Variants in CSMD1 observed in about 807,000 individuals in gnomAD.
The protein encoded by CSMD1 is CUB and sushi domain-containing protein 1.
A neutral mutation model predicts 417.5 loss-of-function variants in CSMD1; 213 were observed. That is an observed-to-expected ratio of 0.51 (90% CI 0.46 to 0.57). The LOEUF is 0.57. Ranked by LOEUF, CSMD1 falls within the 20% of genes least tolerant of loss-of-function variation. The pLI is 0.00. For missense variants in CSMD1, 6,923 were observed against 4,529.7 expected (o/e 1.53, Z -15.17); for synonymous variants, 2,862 against 1,736.8 (o/e 1.65, Z -16.11).
At position 4,006,533 on chromosome 8, in the gene CSMD1, G is replaced by A. The variant is rs1393022356; in HGVS notation, c.611-8423C>T. ...CACTTGGCCTGAGCGACAGAGTGAG[G>A]CCTTGCCTCAGAATAAATAAATAAA... On this transcript the variant is annotated intron_variant, in intron 4 of 69. Coordinates refer to ENST00000635120, the MANE Select transcript of CSMD1 (RefSeq NM_033225.6). Among the ~76,000 whole-genome samples, 18 of 152,224 alleles carry A rather than the reference G, an allele frequency of 1.2e-4. No homozygotes were observed. In the East Asian group the frequency reaches 3.5e-3, roughly 29 times the overall value.
chr8:3,670,858 GTATGGGATATATATGTA>G (rs1317003042), intron 7 of CSMD1, among the ~76,000 whole-genome samples: 1 of 150,294 alleles, frequency 6.7e-6, no homozygotes, highest in Non-Finnish European at 1.5e-5. Flanking sequence ...GGATATATAT[GTATGGGATATATATGTA>G]TATGGGATAT....
intron 5 of CSMD1, among the ~76,000 whole-genome samples, chr8:3,811,005 G>C (rs960397029): frequency 5.9e-5 from 9 of 152,124 alleles, no homozygotes; most frequent in African/African-American, 1.9e-4. Context: ...AATTAACACT[G>C]TTCCATCCGT....
chr8:3,313,399 C>A (rs1180449722), intron 23 of CSMD1, among the ~76,000 whole-genome samples: 3 of 152,076 alleles, frequency 2.0e-5, no homozygotes, highest in Non-Finnish European at 4.4e-5. Context: ...GCACAATCTA[C>A]AATGAACTCA....
At chr8:4,321,573 G>C (rs904108691) in intron 3 of CSMD1, among the ~76,000 whole-genome samples, 15 of 152,052 alleles carry the variant, frequency 9.9e-5, no homozygotes, top group African/African-American at 2.4e-5. Flanking sequence ...ACAATAAATG[G>C]TGTGAGTATC....
chr8:3,147,643 TC>T (rs1174811046), intron 40 of CSMD1, among the ~76,000 whole-genome samples: 1 of 152,226 alleles, frequency 6.6e-6, no homozygotes, highest in Non-Finnish European at 1.5e-5. Flanking sequence ...GCAGTCATTT[TC>T]CTTGTTACTT....
chr8:3,700,443 A>G (rs1015021123), intron 7 of CSMD1: 1 of 152,210 alleles, frequency 6.6e-6, no homozygotes, highest in Non-Finnish European at 1.5e-5. Context: ...CTTAAAAAAC[A>G]CAAAAACAGA....
intron 3 of CSMD1, among the ~76,000 whole-genome samples, chr8:4,037,250 T>C (rs1234263932): frequency 6.6e-6 from 1 of 152,234 alleles, no homozygotes. Flanking sequence ...ATAGGAACTT[T>C]ACTTTTGTTT....
At chr8:3,942,203 G>T (rs911074061) in intron 5 of CSMD1, among the ~76,000 whole-genome samples, 11 of 151,908 alleles carry the variant, frequency 7.2e-5, no homozygotes, top group Non-Finnish European at 1.5e-4. Flanking sequence ...CTACATTATG[G>T]TGACTTGTAT....
chr8:4,434,417 C>T (rs959609926), intron 2 of CSMD1, among the ~76,000 whole-genome samples: 2 of 152,146 alleles, frequency 1.3e-5, no homozygotes, highest in African/African-American at 2.4e-5. Context: ...GCAGCACAAG[C>T]CACTTTTTGA....
intron 3 of CSMD1, among the ~76,000 whole-genome samples, chr8:4,239,419 C>T (rs1802256071): frequency 6.6e-6 from 1 of 152,150 alleles, no homozygotes; most frequent in South Asian, 2.1e-4. Context: ...TTCATCTTAA[C>T]TCGTCTTTCT....
chr8:4,212,484 A>T (rs1445346708), intron 3 of CSMD1, among the ~76,000 whole-genome samples: 1 of 152,060 alleles, frequency 6.6e-6, no homozygotes, highest in Non-Finnish European at 1.5e-5. Flanking sequence ...AGACTGGCAG[A>T]TGGAAGCGAT....
intron 18 of CSMD1, among the ~76,000 whole-genome samples, chr8:3,387,128 AGACACTGG>A (rs2116808626): frequency 6.7e-6 from 1 of 149,936 alleles, no homozygotes; most frequent in South Asian, 2.1e-4. Flanking sequence ...AGAGGAAGTG[AGACACTGG>A]GACGTATGTC....
chr8:4,040,700 T>G (rs1297263102), intron 3 of CSMD1, among the ~76,000 whole-genome samples: 1 of 152,154 alleles, frequency 6.6e-6, no homozygotes, highest in African/African-American at 2.4e-5. Context: ...CAAATTCATA[T>G]AATAGCAAAA....
In CSMD1 at chr8:4,298,757, A is replaced by T. The variant is rs113057803; in HGVS notation, c.415+121196T>A. Reference sequence around the variant, plus strand: ...ATGTTAAGAAATTAATGTTAAAGTGATATTTGTGCTTTTGAATAAATTTAT... The same window carrying T: ...ATGTTAAGAAATTAATGTTAAAGTGTTATTTGTGCTTTTGAATAAATTTAT... On this transcript the variant is annotated intron_variant, in intron 3 of 69. Coordinates refer to ENST00000635120, the MANE Select transcript of CSMD1 (RefSeq NM_033225.6). 6.8e-3 allele frequency among the ~76,000 whole-genome samples: 1,036 copies of T among 152,190 alleles called. 2 individuals are homozygous for T. Among genetic ancestry groups the T allele is most frequent in the Non-Finnish European group, 9.8e-3 (666 of 67,962 alleles).
chr8:3,359,212 T>C lies in CSMD1; in HGVS notation c.3244A>G (p.Lys1082Glu), dbSNP rs1185612485. Residue 1082 changes from lysine (K) to glutamate (E), a missense_variant, in exon 21 of 70, where the codon AAG (lysine) becomes GAG (glutamate). By Grantham distance (56) the Lys-to-Glu change is moderately conservative (BLOSUM62 1). Transcript: ENST00000635120. ...CGGCCCCCACCCAGGCAGGTAAGCT[T>C]GGTGGCACCTTCTAAACGATATCCC... is the stretch of plus-strand genomic sequence containing the variant. ...FLGYRLEGATKLTCLGGGRRV... is the reference protein window; with the variant it reads ...FLGYRLEGATELTCLGGGRRV... 3 of 1,613,808 alleles carry C rather than the reference T, an allele frequency of 1.9e-6. No homozygotes were observed. Among genetic ancestry groups the C allele is most frequent in the Non-Finnish European group, 2.5e-6 (3 of 1,179,890 alleles).
intron 11 of CSMD1, 145 bp from the exon 12 acceptor site, chr8:3,468,969 G>T: frequency 7.3e-6 from 4 of 550,410 alleles, no homozygotes; most frequent in Non-Finnish European, 1.3e-5. Flanking sequence ...TACAGCCTCT[G>T]GTCCATTATA....
Position 4,177,500 on chromosome 8 carries a change from C to T in CSMD1, c.416-145401G>A, listed in dbSNP as rs180960326. ...GTAGGAAAGATCCAAAATTGACACC[C>T]GAACATCACAATTAAAAGAACTAGA... On this transcript the variant is annotated intron_variant, in intron 3 of 69. Coordinates refer to ENST00000635120, the MANE Select transcript of CSMD1 (RefSeq NM_033225.6). 8.5e-5 allele frequency among the ~76,000 whole-genome samples: 13 copies of T among 152,064 alleles called. 1 individual carries two copies. The highest frequency in any genetic ancestry group is 3.9e-4 in the Admixed American group (6 of 15,286).
chr8:3,259,472 G>A (rs2117079855), intron 26 of CSMD1, among the ~76,000 whole-genome samples: 2 of 152,264 alleles, frequency 1.3e-5, no homozygotes, highest in South Asian at 4.1e-4. Flanking sequence ...TCATTCTTAA[G>A]TATTCAAAAG....
intron 2 of CSMD1, among the ~76,000 whole-genome samples, chr8:4,568,197 G>C (rs962945944): frequency 6.6e-6 from 1 of 152,064 alleles, no homozygotes; most frequent in Non-Finnish European, 1.5e-5. Flanking sequence ...GTGCCAGTTT[G>C]ACACATGGGT....
Sources: allele counts gnomAD v4.1 joint callset (sites outside exome capture counted in the v4.1 genomes callset), GRCh38; gene constraint gnomAD v4.1.1; transcripts MANE v1.5; gene names NCBI Gene and HGNC (gene_info 2026-07-23, HGNC 2026-07-21).